The following NFATC1 variants were observed in gnomAD, a reference collection of about 807,000 sequenced individuals.
The protein encoded by NFATC1 is nuclear factor of activated T-cells, cytoplasmic 1.
Under a neutral mutation model 76.0 loss-of-function variants are expected in NFATC1, and 22 were observed. The ratio of observed to expected loss-of-function variants is 0.29; its 90% CI spans 0.21 to 0.41. NFATC1 has a LOEUF of 0.41. Among genes scored for constraint, NFATC1 ranks in the 10% least tolerant of loss-of-function variants. NFATC1 has a pLI of 1.00. For missense variants in NFATC1, 1,357 were observed against 1,337.7 expected, an observed-to-expected ratio of 1.01 and a Z score of -0.23; for synonymous variants, 704 against 613.1, an observed-to-expected ratio of 1.15 and a Z score of -2.19.
At chr18:79,516,964 A>G (rs177820) in intron 9 of NFATC1, among the ~76,000 whole-genome samples, 57,618 of 152,098 alleles carry the variant, frequency 0.38, 11,439 homozygotes, top group East Asian at 0.71. Context: ...CAGCAATTCA[A>G]TGAAACCATA....
chr18:79,433,357 T>C (rs2086663709), intron 2 of NFATC1, among the ~76,000 whole-genome samples: 1 of 152,054 alleles, frequency 6.6e-6, no homozygotes, highest in South Asian at 2.1e-4. Flanking sequence ...CGTGTTAAGG[T>C]TGTGCTTGGA....
At chr18:79,401,439 C>T (rs1170878991) in intron 1 of NFATC1, among the ~76,000 whole-genome samples, 1 of 152,088 alleles carries the variant, frequency 6.6e-6, no homozygotes, top group Non-Finnish European at 1.5e-5. Flanking sequence ...CGACTCACCA[C>T]TCCCCAAATG....
chr18:79,520,140 CTT>C (rs1555925081), intron 9 of NFATC1, among the ~76,000 whole-genome samples: 1 of 152,204 alleles, frequency 6.6e-6, no homozygotes, highest in Non-Finnish European at 1.5e-5. Flanking sequence ...CAGGGGGAAA[CTT>C]GACGGAGCCC....
rs1490988651 is a variant in NFATC1, at chr18:79,407,528, A to G, written c.128-2875A>G. 2.6e-5 allele frequency among the ~76,000 whole-genome samples: 4 copies of G among 152,070 alleles called. No individual in the cohort carries two copies. In the East Asian group the frequency reaches 7.7e-4, roughly 29 times the overall value. On this transcript the variant is annotated intron_variant, in intron 1 of 9. Coordinates refer to ENST00000427363, the MANE Select transcript of NFATC1 (RefSeq NM_001278669.2). ...GCTGGAGTGATCTCAGCTCACTGCA[A>G]CCTCTGCCTCCTGGGCTCAAGCAAT...
At position 79,410,339 on chromosome 18, in the gene NFATC1, T is replaced by G; in HGVS notation, c.128-64T>G. 6.5e-7 allele frequency: 1 copy of G among 1,540,734 alleles called. No individual in the cohort carries two copies. Among genetic ancestry groups the G allele is most frequent in the South Asian group, 1.2e-5 (1 of 80,248 alleles). ...CGGGGGTTGCTGGCCGGCCCTGAGT[T>G]CATGGGTTTCTGCTTTGTGATGCCC... is the stretch of plus-strand genomic sequence containing the variant. On this transcript the variant is annotated intron_variant, in intron 1 of 9. Coordinates refer to ENST00000427363, the MANE Select transcript of NFATC1 (RefSeq NM_001278669.2). This position sits in a 1 kb window ranked among gnomAD's most constrained non-coding sequence, Gnocchi z 6.7.
chr18:79,400,251 G>A (rs2085144393), intron 1 of NFATC1: 11 of 1,178,748 alleles, frequency 9.3e-6, no homozygotes, highest in Non-Finnish European at 1.2e-5. Context: ...ACCCGGAAAC[G>A]CCCCGGGGGG....
intron 6 of NFATC1, among the ~76,000 whole-genome samples, chr18:79,459,512 G>A (rs2087941499): frequency 6.6e-6 from 1 of 152,152 alleles, no homozygotes. Context: ...CTGGCCCCGT[G>A]TGCGCCTCAG....
rs376057065 is a variant in NFATC1, at chr18:79,433,713, C to T, written c.1361C>T (p.Ser454Leu). 91 of 1,612,824 alleles carry T rather than the reference C, an allele frequency of 5.6e-5. No individual in the cohort carries two copies. Among genetic ancestry groups the T allele is most frequent in the Non-Finnish European group, 7.4e-5 (87 of 1,179,866 alleles). ...GGCAGCCGGGGGGCCGTGAAGGCGT[C>T]GGCCGGAGGACACCCCATCGTGCAG... ...TEGSRGAVKA[S>L]AGGHPIVQLH... is the part of the protein sequence containing the mutation. Residue 454 changes from serine to leucine, a missense_variant, in exon 3 of 10, where the codon TCG (serine) becomes TTG (leucine). This residue lies in a region of NFATC1 where 242 missense variants were observed against 329.2 expected (regional missense o/e 0.74). Transcript: ENST00000427363.
chr18:79,430,226 CTT>C (rs998334013), intron 2 of NFATC1, among the ~76,000 whole-genome samples: 2 of 152,216 alleles, frequency 1.3e-5, no homozygotes, highest in African/African-American at 4.8e-5. Context: ...ACTGCCTTAT[CTT>C]TAGGAAATGT....
Position 79,448,875 on chromosome 18 carries a change from G to C in NFATC1, c.1480G>C (p.Val494Leu). The change falls in exon 4 of 10, where the codon GTG (valine) becomes CTG (leucine). Residue 494 changes from valine to leucine, a missense_variant. Val to Leu is a conservative substitution (Grantham distance 32). This residue lies in a region of NFATC1 where 242 missense variants were observed against 329.2 expected (regional missense o/e 0.74). Coordinates refer to ENST00000427363, the MANE Select transcript of NFATC1 (RefSeq NM_001278669.2). ...RLLRPHAFYQ[V>L]HRITGKTVST... ...GCTGCGCCCGCACGCCTTCTACCAG[G>C]TGCACCGCATCACAGGGAAGACCGT... 1 of 1,613,794 alleles carries C rather than the reference G, an allele frequency of 6.2e-7. No individual in the cohort carries two copies. Among genetic ancestry groups the C allele is most frequent in the Non-Finnish European group, 8.5e-7 (1 of 1,180,032 alleles).
chr18:79,486,640 C>T lies in NFATC1; in HGVS notation c.2485C>T (p.Pro829Ser). 6.2e-7 allele frequency: 1 copy of T among 1,602,972 alleles called. No individual in the cohort carries two copies. The highest frequency in any genetic ancestry group is 8.5e-7 in the Non-Finnish European group (1 of 1,177,828). Reference sequence around the variant, plus strand: ...CCTGCTGCCACAGCAGGTGAGTGCGCCTCCAAGCAGTAGCTGCCCCCCTGG... The same window carrying T: ...CCTGCTGCCACAGCAGGTGAGTGCGTCTCCAAGCAGTAGCTGCCCCCCTGG... The part of the protein sequence containing the change: ...PALLPQQVSA[P>S]PSSSCPPGLE... The change falls in exon 9 of 10, where the codon CCT becomes TCT. Residue 829 changes from proline (P) to serine (S), a missense_variant. By Grantham distance (74) the Pro-to-Ser change is moderately conservative (BLOSUM62 -1). Coordinates refer to ENST00000427363, the MANE Select transcript of NFATC1 (RefSeq NM_001278669.2).
At position 79,448,964 on chromosome 18, in the gene NFATC1, G is replaced by A. The variant is rs748268325; in HGVS notation, c.1569G>A (p.Pro523=). Residue 523 remains proline (P), a synonymous_variant, in exon 4 of 10, where the codon CCG becomes CCA. Coordinates refer to ENST00000427363, the MANE Select transcript of NFATC1 (RefSeq NM_001278669.2). ...NTKVLEIPLL[P]ENSMRAVIDC... is the part of the protein sequence containing the mutation. Reference sequence around the variant, plus strand: ...AAGTCCTGGAGATCCCACTCCTGCCGGAGAACAGCATGCGAGCCGTGTAAG... The same window carrying A: ...AAGTCCTGGAGATCCCACTCCTGCCAGAGAACAGCATGCGAGCCGTGTAAG... The A allele has an allele frequency of 1.2e-5, 19 of 1,613,146 alleles. No homozygotes were observed. Among genetic ancestry groups the A allele is most frequent in the African/African-American group, 5.3e-5 (4 of 74,936 alleles).
chr18:79,528,278 C>T lies in NFATC1; in HGVS notation c.*701C>T, dbSNP rs188380277. The T allele has an allele frequency of 3.1e-4, 66 of 214,562 alleles. No individual in the cohort carries two copies. The highest frequency in any genetic ancestry group is 1.3e-3 in the African/African-American group (59 of 44,068). The allele number at this position is 214,562 out of a possible 1,614,324, so 13.3% of individuals were successfully genotyped here. On this transcript the variant is annotated 3_prime_UTR_variant, in exon 10 of 10. Transcript: ENST00000427363. ...CGCATCTTTGTTTTTAATCTGGCTT[C>T]GAACATAGCACAAGTAACTTGAATA... is the stretch of plus-strand genomic sequence containing the variant.
intron 2 of NFATC1, among the ~76,000 whole-genome samples, chr18:79,424,333 G>T: frequency 6.6e-6 from 1 of 152,226 alleles, no homozygotes; most frequent in Non-Finnish European, 1.5e-5. Flanking sequence ...AGTTCTGCCG[G>T]CACAGGTCAG....
chr18:79,415,167 CTG>C (rs1437324724), intron 2 of NFATC1, among the ~76,000 whole-genome samples: 11 of 152,174 alleles, frequency 7.2e-5, no homozygotes, highest in Non-Finnish European at 1.6e-4. Flanking sequence ...CAGACAGTCT[CTG>C]GAGTTGCCTT....
chr18:79,441,364 G>A (rs755687415), intron 3 of NFATC1, among the ~76,000 whole-genome samples: 4 of 152,170 alleles, frequency 2.6e-5, no homozygotes, highest in Non-Finnish European at 5.9e-5. Flanking sequence ...GCTGCTGGGC[G>A]GGCAGCGCTC....
At chr18:79,433,796 T>C in intron 3 of NFATC1, 58 bp downstream of exon 3, 1 of 1,572,034 alleles carries the variant, frequency 6.4e-7, no homozygotes, top group South Asian at 1.1e-5. Flanking sequence ...AAAAAGTAAC[T>C]TTGGAGCCAC....
intron 9 of NFATC1, among the ~76,000 whole-genome samples, chr18:79,488,574 T>C (rs115472768): frequency 7.9e-4 from 120 of 152,302 alleles, no homozygotes; most frequent in African/African-American, 2.8e-3. Flanking sequence ...CTGTCTGACC[T>C]GCCTGCTGTC....
In NFATC1 at chr18:79,529,315, T is replaced by A. The variant is rs1207441912; in HGVS notation, c.*1738T>A. The A allele has an allele frequency of 1.3e-5, 2 of 152,252 alleles. No individual in the cohort carries two copies. Among genetic ancestry groups the A allele is most frequent in the Non-Finnish European group, 2.9e-5 (2 of 68,032 alleles). The allele number at this position is 152,252 out of a possible 1,614,324, so 9.4% of individuals were successfully genotyped here. On this transcript the variant is annotated 3_prime_UTR_variant, in exon 10 of 10. Transcript: ENST00000427363. ...AATAGATCCAATAAAGCCGTATTTT[T>A]TTGCTGGACAGGCGTAGTCTGCGAG...
Sources: allele counts gnomAD v4.1 joint callset (sites outside exome capture counted in the v4.1 genomes callset), GRCh38; gene constraint gnomAD v4.1.1; regional missense constraint gnomAD v4.1.1; non-coding constraint Gnocchi (gnomAD v3.1); transcripts MANE v1.5; gene names NCBI Gene and HGNC (gene_info 2026-07-23, HGNC 2026-07-21).